KRT80: variants seen among roughly 807,000 people sequenced by gnomAD.
KRT80 encodes keratin 80, also known as keratin, type II cytoskeletal 80.
KRT80 carries 36 observed loss-of-function variants against 51.5 expected under a neutral mutation model. The observed-to-expected ratio is 0.70, with a 90% CI of 0.54 to 0.92. KRT80 has a LOEUF of 0.92. Among genes scored for constraint, KRT80 ranks in the 40% least tolerant of loss-of-function variants. The probability of loss-of-function intolerance (pLI) is 0.00; values close to 1 mark genes in which losing one functional copy is unlikely to be tolerated. For synonymous variants in KRT80, 235 were observed against 248.3 expected, an observed-to-expected ratio of 0.95 and a Z score of 0.50; for missense variants, 566 against 591.7, an observed-to-expected ratio of 0.96 and a Z score of 0.45.
chr12:52,173,898 G>T, intron 4 of KRT80, 134 bp from the exon 5 acceptor site: 1 of 919,024 alleles, frequency 1.1e-6, no homozygotes, highest in Non-Finnish European at 1.6e-6. Context: ...GAGAGATGAT[G>T]GAAGGCCGAA....
intron 4 of KRT80, among the ~76,000 whole-genome samples, chr12:52,175,110 G>A (rs552450605): frequency 2.8e-4 from 42 of 152,244 alleles, no homozygotes; most frequent in East Asian, 9.6e-4. Flanking sequence ...TTTGCTGACC[G>A]CCTCATCATT....
At position 52,191,635 on chromosome 12, in the gene KRT80, G is replaced by T; in HGVS notation, c.268C>A (p.Leu90Ile). The change falls in exon 1 of 9, where the codon CTC (leucine) becomes ATC (isoleucine). Residue 90 changes from leucine (L) to isoleucine (I), a missense_variant. Coordinates refer to ENST00000394815, the MANE Select transcript of KRT80 (RefSeq NM_182507.3). ...ATTAGGGAGGCAAATTTATCATTGA[G>T]GGCCTTCATCTCCTCCTTCTCCTGG... ...KNQEKEEMKA[L>I]NDKFASLIGK... 6.2e-7 allele frequency: 1 copy of T among 1,600,638 alleles called. No homozygotes were observed. The highest frequency in any genetic ancestry group is 1.1e-5 in the South Asian group (1 of 90,266).
chr12:52,189,439 T>A (rs1022446473), intron 1 of KRT80, among the ~76,000 whole-genome samples: 2 of 152,252 alleles, frequency 1.3e-5, no homozygotes, highest in Non-Finnish European at 2.9e-5. Context: ...TTTTCAAAAA[T>A]TCTCCCATTT....
chr12:52,188,813 G>A (rs956383244), intron 1 of KRT80, among the ~76,000 whole-genome samples: 4 of 152,144 alleles, frequency 2.6e-5, no homozygotes, highest in Admixed American at 6.5e-5. Context: ...CTGTGTGTGC[G>A]TGAAGGCAAG....
At position 52,172,379 on chromosome 12, in the gene KRT80, G is replaced by C. The variant is rs1941123747; in HGVS notation, c.997C>G (p.Gln333Glu). 2 of 1,614,014 alleles carry C rather than the reference G, an allele frequency of 1.2e-6. No homozygotes were observed. Among genetic ancestry groups the C allele is most frequent in the African/African-American group, 1.3e-5 (1 of 74,950 alleles). Residue 333 changes from glutamine to glutamate, a missense_variant, in exon 7 of 9, where the codon CAG becomes GAG. Physicochemically the swap from Gln to Glu is conservative, Grantham distance 29. Transcript: ENST00000394815. ...LEENIKTAEEQGELAFQDAKT... is the reference protein window; with the variant it reads ...LEENIKTAEEEGELAFQDAKT... ...GCATCCTGGAAGGCCAGCTCACCCT[G>C]CTCCTCAGCTGTCTTGATGTTCTCC...
intron 4 of KRT80, among the ~76,000 whole-genome samples, chr12:52,175,561 C>A (rs933834712): frequency 2.0e-5 from 3 of 152,020 alleles, no homozygotes; most frequent in African/African-American, 7.2e-5. Context: ...CCAGCTAGGG[C>A]CCTGTGGGCA....
intron 4 of KRT80, among the ~76,000 whole-genome samples, chr12:52,178,830 G>A (rs1255143253): frequency 1.3e-5 from 2 of 151,894 alleles, no homozygotes; most frequent in Non-Finnish European, 2.9e-5. Flanking sequence ...AGGACACTAA[G>A]GCACAGAGAG....
chr12:52,178,175 G>T (rs2120895932), intron 4 of KRT80, among the ~76,000 whole-genome samples: 1 of 152,224 alleles, frequency 6.6e-6, no homozygotes, highest in Non-Finnish European at 1.5e-5. Context: ...TAACTGCTGT[G>T]GTTCCCTGGC....
At position 52,180,847 on chromosome 12, in the gene KRT80, A is replaced by C. The variant is rs55986526; in HGVS notation, c.570+56T>G. 1,626 of 1,611,956 alleles carry C rather than the reference A, an allele frequency of 1.0e-3. 14 individuals are homozygous for C. The African/African-American group carries it at 0.02, about 20-fold the overall frequency. ...AAAGGAGAGTAGGATATCTGGAGGGAAAGAGGGCCCAGGGCCCATGAGGAA... is the reference window on the plus strand; with the variant it reads ...AAAGGAGAGTAGGATATCTGGAGGGCAAGAGGGCCCAGGGCCCATGAGGAA... On this transcript the variant is annotated intron_variant, in intron 3 of 8. Transcript: ENST00000394815.
chr12:52,171,715 TG>T lies in KRT80; in HGVS notation c.1179-3del. ...ACAGTGGCTGAGGGCGAGTCCATCC[TG>T]GGGGTGGGGGACGGGGGGGTGGGAG... On this transcript the variant is annotated splice_polypyrimidine_tract_variant and splice_region_variant and intron_variant, in intron 7 of 8. Coordinates refer to ENST00000394815, the MANE Select transcript of KRT80 (RefSeq NM_182507.3). 5.3e-5 allele frequency: 6 copies of T among 113,086 alleles called. No homozygotes were observed. The highest frequency in any genetic ancestry group is 8.6e-5 in the Non-Finnish European group (5 of 58,108). 7.0% of individuals were successfully genotyped at this position (113,086 alleles called of 1,614,324 possible). A position where few individuals can be genotyped will look rare whatever the true frequency, so the allele number is the denominator to read the frequency against.
intron 2 of KRT80, among the ~76,000 whole-genome samples, chr12:52,182,800 C>A (rs1035659501): frequency 6.6e-6 from 1 of 152,134 alleles, no homozygotes; most frequent in African/African-American, 2.4e-5. Flanking sequence ...TGACCCTGGA[C>A]CTCTAGGTGT....
At chr12:52,187,044 T>C (rs1408306995) in intron 1 of KRT80, among the ~76,000 whole-genome samples, 1 of 152,232 alleles carries the variant, frequency 6.6e-6, no homozygotes, top group African/African-American at 2.4e-5. Context: ...ACCCACCACT[T>C]TCCCCATCAC....
At chr12:52,171,554 G>A in intron 8 of KRT80, 32 bp from the exon 9 acceptor site, 1 of 1,613,870 alleles carries the variant, frequency 6.2e-7, no homozygotes, top group Non-Finnish European at 8.5e-7. Flanking sequence ...GGGGAGGGAA[G>A]GGGCTGGAGG....
chr12:52,173,869 C>T (rs1941168175), intron 4 of KRT80, 105 bp from the exon 5 acceptor site: 2 of 1,154,344 alleles, frequency 1.7e-6, no homozygotes. Flanking sequence ...AGTGGAGCTG[C>T]TCCCTTCCTG....
intron 1 of KRT80, among the ~76,000 whole-genome samples, chr12:52,189,495 G>A (rs867551563): frequency 1.4e-4 from 21 of 152,380 alleles, no homozygotes; most frequent in Middle Eastern, 3.4e-3. Flanking sequence ...GGCACAGAGA[G>A]GTTAAATAAC....
At chr12:52,188,203 C>T (rs1166191152) in intron 1 of KRT80, among the ~76,000 whole-genome samples, 1 of 152,164 alleles carries the variant, frequency 6.6e-6, no homozygotes, top group Non-Finnish European at 1.5e-5. Context: ...AGGTTAATTG[C>T]CTCCAACCCA....
In KRT80 at chr12:52,191,814, C is replaced by T; in HGVS notation, c.89G>A (p.Gly30Glu). 3 of 1,602,394 alleles carry T rather than the reference C, an allele frequency of 1.9e-6. No homozygotes were observed. Among genetic ancestry groups the T allele is most frequent in the Non-Finnish European group, 2.6e-6 (3 of 1,173,736 alleles). Reference sequence around the variant, plus strand: ...CCCGGGGGCCCTGCAGCTGTCCCATCCTGAGGTTCCAGGCCGGGGGCTGCC... The same window carrying T: ...CCCGGGGGCCCTGCAGCTGTCCCATTCTGAGGTTCCAGGCCGGGGGCTGCC... ...PVGSPRPGTS[G>E]WDSCRAPGPG... is the part of the protein sequence containing the mutation. Residue 30 changes from glycine (G) to glutamate (E), a missense_variant, in exon 1 of 9, where the codon GGA becomes GAA. By Grantham distance (98) the Gly-to-Glu change is moderately conservative. Transcript: ENST00000394815.
intron 1 of KRT80, among the ~76,000 whole-genome samples, chr12:52,186,748 TG>T (rs1941413444): frequency 6.6e-6 from 1 of 152,174 alleles, no homozygotes; most frequent in Admixed American, 6.5e-5. Context: ...GGTGAAACCC[TG>T]GGAGGGCTCT....
chr12:52,179,665 T>C (rs1395780715), intron 4 of KRT80, among the ~76,000 whole-genome samples: 1 of 152,172 alleles, frequency 6.6e-6, no homozygotes, highest in African/African-American at 2.4e-5. Flanking sequence ...AATCTGTAAG[T>C]TGTGGTGGTG....
Sources: gnomAD v4.1 joint callset for allele counts (sites outside exome capture counted in the v4.1 genomes callset) on GRCh38, gnomAD v4.1.1 for gene constraint, MANE v1.5 for transcripts, NCBI Gene and HGNC (gene_info 2026-07-23, HGNC 2026-07-21) for gene names.